MYO9A: variants seen among roughly 807,000 people sequenced by gnomAD.
MYO9A encodes myosin IXA.
MYO9A carries 103 observed loss-of-function variants against 293.3 expected under a neutral mutation model. That is an observed-to-expected ratio of 0.35 (90% CI 0.30 to 0.41). MYO9A has a LOEUF of 0.41. MYO9A is among the 10% of genes least tolerant of loss of function. MYO9A has a pLI of 1.00. For missense variants in MYO9A, 2,685 were observed against 3,033.0 expected, an observed-to-expected ratio of 0.89 and a Z score of 2.69; for synonymous variants, 1,001 against 1,035.7, an observed-to-expected ratio of 0.97 and a Z score of 0.64.
At chr15:71,915,427 CTTTTTTT>C (rs796340254) in intron 19 of MYO9A, among the ~76,000 whole-genome samples, 1 of 138,060 alleles carries the variant, frequency 7.2e-6, no homozygotes, top group East Asian at 2.1e-4. Flanking sequence ...TTTTTCATTT[CTTTTTTT>C]TTTTTTTTAA....
chr15:71,860,573 G>A (rs1037338589), intron 33 of MYO9A, among the ~76,000 whole-genome samples: 2 of 150,708 alleles, frequency 1.3e-5, no homozygotes, highest in Admixed American at 6.6e-5. Flanking sequence ...AATATAACTT[G>A]TAGGCTTTTG....
chr15:71,898,060 C>T lies in MYO9A; in HGVS notation c.4443G>A (p.Glu1481=). 1 of 1,614,142 alleles carries T rather than the reference C, an allele frequency of 6.2e-7. No individual in the cohort carries two copies. Residue 1481 remains glutamate, a synonymous_variant, in exon 25 of 42, where the codon GAG becomes GAA. Transcript: ENST00000356056. Reference sequence around the variant, plus strand: ...ACTTCTTAAGCACAGGATTAGAAGACTCTGTATTCAAAGAAGGAACAATCT... The same window carrying T: ...ACTTCTTAAGCACAGGATTAGAAGATTCTGTATTCAAAGAAGGAACAATCT... The part of the protein sequence containing the change: ...KDQIVPSLNT[E]SSNPVLKKLE...
intron 32 of MYO9A, among the ~76,000 whole-genome samples, chr15:71,871,740 T>G (rs546947950): frequency 6.7e-6 from 1 of 150,060 alleles, no homozygotes; most frequent in African/African-American, 2.4e-5. Context: ...ATAATAATTA[T>G]GTAAATAATT....
chr15:72,045,421 G>T (rs1008301932), intron 2 of MYO9A: 2 of 184,974 alleles, frequency 1.1e-5, no homozygotes, highest in East Asian at 1.3e-4. Flanking sequence ...GCACCACCAC[G>T]CCTGGCTAAT....
At chr15:71,998,121 C>T (rs2076752443) in intron 9 of MYO9A, among the ~76,000 whole-genome samples, 1 of 152,064 alleles carries the variant, frequency 6.6e-6, no homozygotes, top group African/African-American at 2.4e-5. Context: ...ACTTATACAC[C>T]GTGGAATACA....
intron 1 of MYO9A, among the ~76,000 whole-genome samples, chr15:72,084,572 G>C (rs914352533): frequency 3.9e-5 from 6 of 152,188 alleles, no homozygotes; most frequent in Admixed American, 2.6e-4. Flanking sequence ...TCACTGGTCT[G>C]AGTACTTCAG....
At chr15:71,908,169 A>C (rs1002532009) in intron 19 of MYO9A, among the ~76,000 whole-genome samples, 20 of 152,138 alleles carry the variant, frequency 1.3e-4, no homozygotes, top group African/African-American at 3.6e-4. Context: ...ATATGGCTAG[A>C]CAGTTTTCCC....
chr15:72,099,436 A>AAAAAAAG (rs2080186871), intron 1 of MYO9A, among the ~76,000 whole-genome samples: 1 of 150,306 alleles, frequency 6.7e-6, no homozygotes, highest in African/African-American at 2.4e-5. Flanking sequence ...AAAAAAAAAA[A>AAAAAAAG]AAAAAAGAAA....
intron 27 of MYO9A, among the ~76,000 whole-genome samples, chr15:71,886,792 C>T (rs535094643): frequency 4.0e-5 from 6 of 151,872 alleles, no homozygotes; most frequent in Non-Finnish European, 7.4e-5. Context: ...TGGGGGAGGA[C>T]GTGGAAACTA....
chr15:72,067,127 A>G (rs897402540), intron 1 of MYO9A, among the ~76,000 whole-genome samples: 3 of 148,188 alleles, frequency 2.0e-5, no homozygotes, highest in Non-Finnish European at 4.5e-5. Flanking sequence ...TAATCTATTA[A>G]CTATATTAAT....
intron 13 of MYO9A, among the ~76,000 whole-genome samples, chr15:71,960,753 TA>T (rs1398781113): frequency 6.6e-6 from 1 of 152,194 alleles, no homozygotes. Context: ...AGCAGCTTGT[TA>T]AACTCTGGTC....
chr15:71,876,803 T>C (rs1004955465), intron 31 of MYO9A, among the ~76,000 whole-genome samples: 1 of 152,160 alleles, frequency 6.6e-6, no homozygotes, highest in Non-Finnish European at 1.5e-5. Context: ...ATATAAAATA[T>C]ATACAAAAAG....
At chr15:72,003,527 T>C (rs867273099) in intron 8 of MYO9A, among the ~76,000 whole-genome samples, 2 of 151,272 alleles carry the variant, frequency 1.3e-5, no homozygotes, top group African/African-American at 4.8e-5. Context: ...AAACCCCGTC[T>C]CTACTAAAAA....
chr15:72,079,337 TATTA>T (rs1282144240), intron 1 of MYO9A, among the ~76,000 whole-genome samples: 3 of 152,112 alleles, frequency 2.0e-5, no homozygotes, highest in Non-Finnish European at 4.4e-5. Flanking sequence ...AAATAAAGTA[TATTA>T]ATTAAAATAA....
chr15:71,977,553 T>C (rs1192002676), intron 12 of MYO9A, among the ~76,000 whole-genome samples: 1 of 152,054 alleles, frequency 6.6e-6, no homozygotes, highest in African/African-American at 2.4e-5. Context: ...GATATTCTTT[T>C]CTGCTAAACA....
At chr15:71,849,004 G>T in intron 38 of MYO9A, 36 bp from the exon 39 acceptor site, 1 of 1,549,446 alleles carries the variant, frequency 6.5e-7, no homozygotes, top group Non-Finnish European at 8.7e-7. Flanking sequence ...ACTGTTAAGA[G>T]GTGAAGTAAA....
At chr15:71,930,528 A>T (rs1439774457) in intron 18 of MYO9A, among the ~76,000 whole-genome samples, 1 of 151,988 alleles carries the variant, frequency 6.6e-6, no homozygotes, top group Non-Finnish European at 1.5e-5. Context: ...TGCTCTCTTT[A>T]GGTTTTCATT....
At chr15:71,927,092 C>T (rs2058333385) in intron 18 of MYO9A, among the ~76,000 whole-genome samples, 1 of 152,190 alleles carries the variant, frequency 6.6e-6, no homozygotes, top group Non-Finnish European at 1.5e-5. Flanking sequence ...GGGCACAAAT[C>T]CAATGATCAC....
chr15:71,844,800 G>A (rs1051293399), intron 39 of MYO9A, among the ~76,000 whole-genome samples: 1 of 152,134 alleles, frequency 6.6e-6, no homozygotes, highest in African/African-American at 2.4e-5. Flanking sequence ...GACTCATGGT[G>A]ATAATGAAGG....
Sources: gnomAD v4.1 joint callset for allele counts (sites outside exome capture counted in the v4.1 genomes callset) on GRCh38, gnomAD v4.1.1 for gene constraint, MANE v1.5 for transcripts, NCBI Gene and HGNC (gene_info 2026-07-23, HGNC 2026-07-21) for gene names.